The following SLC35F1 variants were observed in gnomAD, a reference collection of about 807,000 sequenced individuals.
The protein encoded by SLC35F1 is chromosome 6 open reading frame 169.
A neutral mutation model predicts 48.7 loss-of-function variants in SLC35F1; 14 were observed. That is an observed-to-expected ratio of 0.29 (90% CI 0.19 to 0.45). SLC35F1 has a LOEUF of 0.45. SLC35F1 is among the 20% of genes least tolerant of loss of function. SLC35F1 has a pLI of 1.00. For synonymous variants in SLC35F1, 190 were observed against 202.2 expected (o/e 0.94, Z 0.51); for missense variants, 404 against 500.0 (o/e 0.81, Z 1.83).
At chr6:118,056,191 A>T (rs1419764011) in intron 1 of SLC35F1, among the ~76,000 whole-genome samples, 1 of 152,200 alleles carries the variant, frequency 6.6e-6, no homozygotes, top group East Asian at 1.9e-4. Context: ...CATATATGTT[A>T]GGTTTATTTT....
At chr6:118,120,741 G>C (rs1278292090) in intron 1 of SLC35F1, among the ~76,000 whole-genome samples, 1 of 151,932 alleles carries the variant, frequency 6.6e-6, no homozygotes, top group Admixed American at 6.6e-5. Context: ...CCCCAGGAAG[G>C]GTACAGTAAC....
intron 1 of SLC35F1, among the ~76,000 whole-genome samples, chr6:118,142,437 T>G (rs1020581706): frequency 6.6e-6 from 1 of 152,194 alleles, no homozygotes; most frequent in African/African-American, 2.4e-5. Flanking sequence ...ATCCTCCTTT[T>G]CTCTTCCATC....
intron 1 of SLC35F1, among the ~76,000 whole-genome samples, chr6:117,975,748 C>A (rs1256407430): frequency 6.6e-6 from 1 of 152,116 alleles, no homozygotes. Context: ...TAAATAATCT[C>A]CAATTTTATT....
chr6:118,267,623 G>A (rs866686646), intron 4 of SLC35F1, among the ~76,000 whole-genome samples: 12 of 152,182 alleles, frequency 7.9e-5, no homozygotes, highest in African/African-American at 2.9e-4. Context: ...ACTGGGTGAA[G>A]GTTGGTTTAT....
chr6:118,026,604 TG>T (rs1429151003), intron 1 of SLC35F1, among the ~76,000 whole-genome samples: 2 of 152,218 alleles, frequency 1.3e-5, no homozygotes, highest in Non-Finnish European at 2.9e-5. Context: ...ACTTCTGTTT[TG>T]TTTGCAAAGG....
At chr6:118,238,168 A>T (rs540554008) in intron 3 of SLC35F1, among the ~76,000 whole-genome samples, 1 of 152,108 alleles carries the variant, frequency 6.6e-6, no homozygotes, top group Non-Finnish European at 1.5e-5. Flanking sequence ...AGGTGTTTCT[A>T]TTACTTGGAA....
At chr6:118,198,590 T>C (rs1392303829) in intron 2 of SLC35F1, among the ~76,000 whole-genome samples, 1 of 152,164 alleles carries the variant, frequency 6.6e-6, no homozygotes, top group Non-Finnish European at 1.5e-5. Flanking sequence ...TTTAGAAAAA[T>C]TAGAAAATAC....
intron 1 of SLC35F1, among the ~76,000 whole-genome samples, chr6:118,104,882 T>C (rs1230250506): frequency 6.6e-6 from 1 of 152,206 alleles, no homozygotes; most frequent in Non-Finnish European, 1.5e-5. Flanking sequence ...GTGACCATGA[T>C]GTTCTCAGCA....
chr6:118,291,717 T>C (rs1171441303), intron 7 of SLC35F1, among the ~76,000 whole-genome samples: 1 of 152,196 alleles, frequency 6.6e-6, no homozygotes, highest in Non-Finnish European at 1.5e-5. Context: ...GGCATTGCTC[T>C]AAAGGGATAG....
Position 118,314,209 on chromosome 6 carries a change from T to C in SLC35F1, c.1184T>C (p.Leu395Pro). The change falls in exon 8 of 8, where the codon CTG (leucine) becomes CCG (proline). Residue 395 changes from leucine to proline, a missense_variant. Physicochemically the swap from Leu to Pro is moderately conservative, Grantham distance 98 (BLOSUM62 -3). Transcript: ENST00000360388. Reference sequence around the variant, plus strand: ...GAACCCTCAGTCACCTACACCAGCCTGGGCCAGGAGACCGAAGAGGAGCCT... The same window carrying C: ...GAACCCTCAGTCACCTACACCAGCCCGGGCCAGGAGACCGAAGAGGAGCCT... ...QVEPSVTYTS[L>P]GQETEEEPHV... is the part of the protein sequence containing the mutation. The C allele has an allele frequency of 6.2e-7, 1 of 1,614,194 alleles. No individual in the cohort carries two copies. The highest frequency in any genetic ancestry group is 2.2e-5 in the East Asian group (1 of 44,872).
At chr6:118,094,966 TAAAA>T (rs34318594) in intron 1 of SLC35F1, among the ~76,000 whole-genome samples, 6 of 138,574 alleles carry the variant, frequency 4.3e-5, no homozygotes, top group Admixed American at 7.3e-5. Context: ...AGACTCCGTC[TAAAA>T]AAAAAAAAAA....
At chr6:118,032,772 A>G (rs915919462) in intron 1 of SLC35F1, among the ~76,000 whole-genome samples, 12 of 152,186 alleles carry the variant, frequency 7.9e-5, no homozygotes, top group Admixed American at 2.6e-4. Context: ...TAGAAAAGCT[A>G]TTGGCATTTA....
intron 1 of SLC35F1, among the ~76,000 whole-genome samples, chr6:118,064,047 T>A (rs560113164): frequency 6.6e-6 from 1 of 152,128 alleles, no homozygotes; most frequent in Non-Finnish European, 1.5e-5. Flanking sequence ...GACTTAACAG[T>A]TTCACATGGC....
At chr6:118,066,675 G>T (rs1016347964) in intron 1 of SLC35F1, among the ~76,000 whole-genome samples, 1 of 150,858 alleles carries the variant, frequency 6.6e-6, no homozygotes, top group African/African-American at 2.4e-5. Flanking sequence ...GCAAGAGAAA[G>T]ACTAATACAA....
intron 1 of SLC35F1, among the ~76,000 whole-genome samples, chr6:117,911,062 G>A (rs1163332132): frequency 1.3e-5 from 2 of 152,166 alleles, no homozygotes; most frequent in Non-Finnish European, 2.9e-5. Context: ...GGCTTGTCGA[G>A]TTGGATTGCT....
intron 2 of SLC35F1, among the ~76,000 whole-genome samples, chr6:118,175,977 C>T (rs1774483140): frequency 6.6e-6 from 1 of 152,062 alleles, no homozygotes; most frequent in African/African-American, 2.4e-5. Flanking sequence ...GAGTCACCTA[C>T]TCCAACTGTG....
chr6:117,994,018 G>T (rs548705143), intron 1 of SLC35F1, among the ~76,000 whole-genome samples: 90 of 152,278 alleles, frequency 5.9e-4, no homozygotes, highest in Middle Eastern at 3.4e-3. Flanking sequence ...AAATCAAAGT[G>T]TCAGATGGCC....
rs115905061 is a variant in SLC35F1 at position 118,313,899 on chromosome 6, G to A, written c.1003-129G>A. 2.8e-3 allele frequency: 2,174 copies of A among 764,090 alleles called. 37 individuals carry two copies. The African/African-American group carries it at 0.034, about 12-fold the overall frequency. 47.3% of individuals were successfully genotyped at this position (764,090 alleles called of 1,614,324 possible). A position where few individuals can be genotyped will look rare whatever the true frequency, so the allele number is the denominator to read the frequency against. ...ATGAGAAAATTCATTCTCCATCAAC[G>A]GTGTTGGCCAACTCATCATGCTGCC... On this transcript the variant is annotated intron_variant, in intron 7 of 7. Transcript: ENST00000360388.
chr6:118,058,882 A>C (rs2114269173), intron 1 of SLC35F1, among the ~76,000 whole-genome samples: 1 of 152,288 alleles, frequency 6.6e-6, no homozygotes, highest in South Asian at 2.1e-4. Flanking sequence ...GCAATTCATA[A>C]CCTTTTCAAG....
Sources: gnomAD v4.1 joint callset for allele counts (sites outside exome capture counted in the v4.1 genomes callset) on GRCh38, gnomAD v4.1.1 for gene constraint, MANE v1.5 for transcripts, NCBI Gene and HGNC (gene_info 2026-07-23, HGNC 2026-07-21) for gene names.